The following TFG variants were observed in gnomAD, a reference collection of about 807,000 sequenced individuals.
The protein encoded by TFG is protein TFG.
In TFG, 22 loss-of-function variants were observed where a neutral mutation model predicts 51.4. The ratio of observed to expected loss-of-function variants is 0.43; its 90% CI spans 0.31 to 0.61. The LOEUF is 0.61. Among genes scored for constraint, TFG ranks in the 20% least tolerant of loss-of-function variants. The pLI is 0.12. For synonymous variants in TFG, 187 were observed against 165.6 expected (o/e 1.13, Z -0.99); for missense variants, 419 against 487.7 (o/e 0.86, Z 1.33).
chr3:100,729,590 TA>T (rs1280725010), intron 4 of TFG, among the ~76,000 whole-genome samples: 2 of 152,100 alleles, frequency 1.3e-5, no homozygotes, highest in African/African-American at 4.8e-5. Context: ...CTCTTATTAT[TA>T]TTTTTTTCTT....
intron 2 of TFG, among the ~76,000 whole-genome samples, chr3:100,714,827 C>G (rs774731833): frequency 7.9e-5 from 12 of 152,162 alleles, no homozygotes; most frequent in Non-Finnish European, 1.6e-4. Context: ...TGTTCCCAGA[C>G]TCATTTGTTG....
intron 2 of TFG, among the ~76,000 whole-genome samples, chr3:100,719,607 G>A (rs1359330717): frequency 6.6e-6 from 1 of 152,004 alleles, no homozygotes; most frequent in East Asian, 1.9e-4. Context: ...TTATTTCTTG[G>A]TAAAAGATGT....
At chr3:100,727,997 T>C (rs2095080627) in intron 3 of TFG, among the ~76,000 whole-genome samples, 1 of 152,164 alleles carries the variant, frequency 6.6e-6, no homozygotes, top group African/African-American at 2.4e-5. Context: ...CACACTTGGC[T>C]AATTTTTTAA....
chr3:100,746,576 G>C (rs771454367), intron 7 of TFG, among the ~76,000 whole-genome samples: 31 of 151,798 alleles, frequency 2.0e-4, no homozygotes, highest in Non-Finnish European at 2.9e-4. Flanking sequence ...TTCACCTAAA[G>C]TTATTTATTA....
At chr3:100,729,093 A>G (rs759372341) in intron 4 of TFG, among the ~76,000 whole-genome samples, 1 of 152,160 alleles carries the variant, frequency 6.6e-6, no homozygotes, top group Non-Finnish European at 1.5e-5. Context: ...GGAGCGTAGC[A>G]CCTGGAAATC....
chr3:100,729,436 T>C (rs2095085296), intron 4 of TFG, among the ~76,000 whole-genome samples: 1 of 152,174 alleles, frequency 6.6e-6, no homozygotes, highest in South Asian at 2.1e-4. Context: ...GCAAAATGTG[T>C]CAACATTTGG....
intron 3 of TFG, among the ~76,000 whole-genome samples, chr3:100,727,110 T>C (rs1333746519): frequency 6.6e-6 from 1 of 152,232 alleles, no homozygotes; most frequent in Non-Finnish European, 1.5e-5. Flanking sequence ...TATCACAGAT[T>C]ATAGTCTTGT....
intron 4 of TFG, among the ~76,000 whole-genome samples, chr3:100,732,028 T>G (rs1382789082): frequency 6.6e-6 from 1 of 152,170 alleles, no homozygotes; most frequent in Non-Finnish European, 1.5e-5. Context: ...CCATGTAATT[T>G]AATAGTGGAC....
chr3:100,735,492 T>C (rs2095103918), intron 5 of TFG, among the ~76,000 whole-genome samples: 1 of 152,202 alleles, frequency 6.6e-6, no homozygotes, highest in Non-Finnish European at 1.5e-5. Context: ...AATTAGTATA[T>C]CCTTTGTACA....
Position 100,748,161 on chromosome 3 carries a change from A to C in TFG, c.833A>C (p.Gln278Pro). The C allele has an allele frequency of 2.5e-6, 4 of 1,613,970 alleles. No individual in the cohort carries two copies. The highest frequency in any genetic ancestry group is 3.4e-6 in the Non-Finnish European group (4 of 1,179,918). ...TTTGCCTTTTCAGCAAGCTATAGTCAGCAGACTGGACCTCAACAACCTCAG... is the reference window on the plus strand; with the variant it reads ...TTTGCCTTTTCAGCAAGCTATAGTCCGCAGACTGGACCTCAACAACCTCAG... ...YGIQYSASYSQQTGPQQPQQF... is the reference protein window; with the variant it reads ...YGIQYSASYSPQTGPQQPQQF... Residue 278 changes from glutamine to proline, a missense_variant, in exon 8 of 8, where the codon CAG (glutamine) becomes CCG (proline). Around this residue, in one of 3 missense-constraint regions of TFG, gnomAD observed 391 missense variants for 434.4 expected, o/e 0.90. Coordinates refer to ENST00000240851, the MANE Select transcript of TFG (RefSeq NM_006070.6).
chr3:100,743,051 T>C (rs540785986), intron 6 of TFG: 2 of 152,322 alleles, frequency 1.3e-5, no homozygotes, highest in South Asian at 2.1e-4. Flanking sequence ...TTAATATTTA[T>C]ATTGTTTTGT....
intron 2 of TFG, among the ~76,000 whole-genome samples, chr3:100,715,916 A>G (rs1036803878): frequency 6.6e-6 from 1 of 151,678 alleles, no homozygotes; most frequent in Non-Finnish European, 1.5e-5. Flanking sequence ...GCAAAGTCCC[A>G]AGAGTACTTT....
At chr3:100,729,937 C>T (rs2095086906) in intron 4 of TFG, among the ~76,000 whole-genome samples, 1 of 152,070 alleles carries the variant, frequency 6.6e-6, no homozygotes, top group South Asian at 2.1e-4. Context: ...TATTTCAGAA[C>T]ATAATGGAGA....
At chr3:100,728,059 C>G (rs2149077178) in intron 3 of TFG, among the ~76,000 whole-genome samples, 1 of 152,232 alleles carries the variant, frequency 6.6e-6, no homozygotes, top group East Asian at 1.9e-4. Context: ...TTCTTGAACT[C>G]CTGGGCTCAA....
chr3:100,720,759 A>G (rs1204786444), intron 3 of TFG, among the ~76,000 whole-genome samples: 1 of 152,236 alleles, frequency 6.6e-6, no homozygotes, highest in African/African-American at 2.4e-5. Context: ...ATAAAAACCA[A>G]TAGAAGACTA....
chr3:100,727,613 G>A (rs114298311), intron 3 of TFG, among the ~76,000 whole-genome samples: 126 of 152,206 alleles, frequency 8.3e-4, no homozygotes, highest in African/African-American at 2.8e-3. Flanking sequence ...TGGTGACAGT[G>A]TTTGTTGCTG....
intron 4 of TFG, among the ~76,000 whole-genome samples, chr3:100,730,594 A>G (rs2095088791): frequency 6.6e-6 from 1 of 152,216 alleles, no homozygotes; most frequent in Admixed American, 6.5e-5. Context: ...AGAAACTGAA[A>G]TCTAGTCCAC....
At chr3:100,734,974 C>G (rs1342192254) in intron 5 of TFG, among the ~76,000 whole-genome samples, 1 of 151,922 alleles carries the variant, frequency 6.6e-6, no homozygotes, top group African/African-American at 2.4e-5. Context: ...ATGAATGTGG[C>G]AGTGGGAAGG....
chr3:100,720,564 T>G (rs1219700596), intron 3 of TFG, among the ~76,000 whole-genome samples: 1 of 152,134 alleles, frequency 6.6e-6, no homozygotes. Context: ...CACAATAGGG[T>G]TCACACTCCT....
Sources: gnomAD v4.1 joint callset for allele counts (sites outside exome capture counted in the v4.1 genomes callset) on GRCh38, gnomAD v4.1.1 for gene constraint, gnomAD v4.1.1 regional missense constraint, MANE v1.5 for transcripts, NCBI Gene and HGNC (gene_info 2026-07-23, HGNC 2026-07-21) for gene names.